The following STT3A variants were observed in gnomAD, a reference collection of about 807,000 sequenced individuals.
The protein encoded by STT3A is dolichyl-diphosphooligosaccharide--protein glycosyltransferase subunit STT3A.
A neutral mutation model predicts 89.2 loss-of-function variants in STT3A; 34 were observed. That is an observed-to-expected ratio of 0.38 (90% CI 0.29 to 0.51). STT3A has a LOEUF of 0.51. Among genes scored for constraint, STT3A ranks in the 20% least tolerant of loss-of-function variants. The pLI, the probability that STT3A is intolerant of heterozygous loss-of-function variation, is 0.89. For missense variants in STT3A, 555 were observed against 889.5 expected (o/e 0.62, Z 4.78); for synonymous variants, 282 against 310.3 (o/e 0.91, Z 0.96).
Position 125,613,523 on chromosome 11 carries a change from A to T in STT3A, c.1554+346A>T, listed in dbSNP as rs1222062385. Among the ~76,000 whole-genome samples the T allele has an allele frequency of 6.6e-6, 1 of 152,190 alleles. No homozygotes were observed. Among genetic ancestry groups the T allele is most frequent in the African/African-American group, 2.4e-5 (1 of 41,448 alleles). ...AAATTGAATCAAGAAGAAAGATATA[A>T]ATCTTGTGTAAAGTGATCACCTTAT... is the stretch of plus-strand genomic sequence containing the variant. On this transcript the variant is annotated intron_variant, in intron 13 of 17. Coordinates refer to ENST00000392708, the MANE Select transcript of STT3A (RefSeq NM_152713.5). The surrounding 1 kb of genome is among the most constrained non-coding windows in gnomAD (Gnocchi z 4.2).
In STT3A at chr11:125,621,538, A is replaced by G. The variant is rs1423188475; in HGVS notation, c.*728A>G. ...CTTGATGGTCAGTAGGTGTTTTTGA[A>G]TCAGCTTAAATATAATCATACATAT... On this transcript the variant is annotated 3_prime_UTR_variant, in exon 18 of 18. Transcript: ENST00000392708. 6.6e-6 allele frequency: 1 copy of G among 152,190 alleles called. No individual in the cohort carries two copies. Among genetic ancestry groups the G allele is most frequent in the Non-Finnish European group, 1.5e-5 (1 of 68,026 alleles). 9.4% of individuals were successfully genotyped at this position (152,190 alleles called of 1,614,324 possible).
At chr11:125,611,664 C>T in intron 11 of STT3A, 145 bp downstream of exon 11, 1 of 721,976 alleles carries the variant, frequency 1.4e-6, no homozygotes, top group South Asian at 2.0e-5. Context: ...GTTGTTGATC[C>T]TTTCCAGGAA....
intron 3 of STT3A, among the ~76,000 whole-genome samples, 172 bp from the exon 4 acceptor site, chr11:125,602,131 G>T (rs1939702279): frequency 6.6e-6 from 1 of 152,126 alleles, no homozygotes; most frequent in South Asian, 2.1e-4. Flanking sequence ...CTTTAGTTGA[G>T]ACAAGCATGG....
chr11:125,614,108 T>A lies in STT3A; in HGVS notation c.1576T>A (p.Trp526Arg). ...TCAGGATGCGAAGGTCATGTCCTGG[T>A]GGGATTATGGCTATCAGATTACAGC... is the stretch of plus-strand genomic sequence containing the variant. ...TPEDAKVMSWWDYGYQITAMA... is the reference protein window; with the variant it reads ...TPEDAKVMSWRDYGYQITAMA... Residue 526 changes from tryptophan to arginine, a missense_variant, in exon 14 of 18, where the codon TGG (tryptophan) becomes AGG (arginine). Coordinates refer to ENST00000392708, the MANE Select transcript of STT3A (RefSeq NM_152713.5). The surrounding 1 kb of genome is among the most constrained non-coding windows in gnomAD (Gnocchi z 4.9). The A allele has an allele frequency of 1.2e-6, 2 of 1,614,128 alleles. No individual in the cohort carries two copies. Among genetic ancestry groups the A allele is most frequent in the Non-Finnish European group, 1.7e-6 (2 of 1,179,998 alleles).
chr11:125,608,346 C>T, intron 9 of STT3A, 57 bp downstream of exon 9: 2 of 1,518,398 alleles, frequency 1.3e-6, no homozygotes, highest in East Asian at 2.3e-5. Flanking sequence ...TGGAGTTTCG[C>T]TCTTGTTGCC....
intron 6 of STT3A, among the ~76,000 whole-genome samples, chr11:125,605,223 A>C (rs1939797554): frequency 6.6e-6 from 1 of 151,982 alleles, no homozygotes; most frequent in African/African-American, 2.4e-5. Context: ...GGACTTCATT[A>C]GGCAGATATC....
rs552078986 is a variant in STT3A at position 125,622,942 on chromosome 11, G to A, written c.*2132G>A. 1 of 151,940 alleles carries A rather than the reference G, an allele frequency of 6.6e-6. No homozygotes were observed. Among genetic ancestry groups the A allele is most frequent in the Admixed American group, 6.6e-5 (1 of 15,258 alleles). The allele number at this position is 151,940 out of a possible 1,614,324, so 9.4% of individuals were successfully genotyped here. On this transcript the variant is annotated 3_prime_UTR_variant, in exon 18 of 18. Coordinates refer to ENST00000392708, the MANE Select transcript of STT3A (RefSeq NM_152713.5). ...AAATACAAAAATTAGCTGGGTGTGGGGTACACACCCTGTAATCTCAGCTAC... is the reference window on the plus strand; with the variant it reads ...AAATACAAAAATTAGCTGGGTGTGGAGTACACACCCTGTAATCTCAGCTAC...
At chr11:125,603,014 G>C (rs998028215) in intron 5 of STT3A, 66 bp downstream of exon 5, 1 of 1,584,934 alleles carries the variant, frequency 6.3e-7, no homozygotes, top group East Asian at 2.3e-5. Context: ...ATCGATGCTG[G>C]AGGGTGGGGG....
At chr11:125,618,243 T>A (rs1400255272) in intron 15 of STT3A, 130 bp from the exon 16 acceptor site, 1 of 855,422 alleles carries the variant, frequency 1.2e-6, no homozygotes, top group Non-Finnish European at 1.7e-6. Flanking sequence ...CCTCACTATT[T>A]TTACAAATTA....
chr11:125,602,477 A>G (rs1006304352), intron 4 of STT3A, 53 bp downstream of exon 4: 308 of 1,483,116 alleles, frequency 2.1e-4, no homozygotes, highest in Non-Finnish European at 2.7e-4. Flanking sequence ...AAATATTTGT[A>G]TGCTAGAGAA....
At chr11:125,602,184 A>G in intron 3 of STT3A, 119 bp from the exon 4 acceptor site, 1 of 1,192,792 alleles carries the variant, frequency 8.4e-7, no homozygotes. Flanking sequence ...AATGATTTTC[A>G]TGGCATAATA....
At chr11:125,592,765 C>G (rs1419359096), upstream of STT3A, 1 of 278,972 alleles carries the variant, frequency 3.6e-6, no homozygotes, top group Non-Finnish European at 7.3e-6. Flanking sequence ...CAGACAGTTC[C>G]GAGACCCTAT....
chr11:125,608,667 A>G (rs1000174481), intron 9 of STT3A, among the ~76,000 whole-genome samples: 1 of 152,240 alleles, frequency 6.6e-6, no homozygotes. Context: ...GGGTACAGAC[A>G]TAGAATAAAC....
At chr11:125,608,398 T>C (rs1412952400) in intron 9 of STT3A, 109 bp downstream of exon 9, 4 of 1,130,412 alleles carry the variant, frequency 3.5e-6, no homozygotes, top group African/African-American at 1.6e-5. Flanking sequence ...CACTGCAACC[T>C]CCACCTCCCA....
chr11:125,609,012 A>T (rs1333520153), intron 9 of STT3A, among the ~76,000 whole-genome samples: 1 of 152,318 alleles, frequency 6.6e-6, no homozygotes, highest in East Asian at 1.9e-4. Context: ...AGTTGGTTGG[A>T]AAGCCAAATT....
chr11:125,602,618 A>G (rs1057195846), intron 4 of STT3A, 185 bp from the exon 5 acceptor site: 12 of 1,055,538 alleles, frequency 1.1e-5, no homozygotes, highest in South Asian at 6.9e-5. Flanking sequence ...TGGTTTTTAT[A>G]CATTCTAGAC....
intron 9 of STT3A, 134 bp downstream of exon 9, chr11:125,608,423 T>C: frequency 1.1e-6 from 1 of 919,670 alleles, no homozygotes; most frequent in Non-Finnish European, 1.5e-6. Flanking sequence ...CAAGCGATTC[T>C]CCTGCCTCAG....
At position 125,608,214 on chromosome 11, in the gene STT3A, G is replaced by C. The variant is rs1421806498; in HGVS notation, c.886G>C (p.Glu296Gln). The change falls in exon 9 of 18, where the codon GAA (glutamate) becomes CAA (glutamine). Residue 296 changes from glutamate to glutamine, a missense_variant. Physicochemically the swap from Glu to Gln is conservative, Grantham distance 29 (BLOSUM62 2). This residue lies in a region of STT3A where 149 missense variants were observed against 206.2 expected (regional missense o/e 0.72). Transcript: ENST00000392708. ...LRSKLNPQQF[E>Q]VLFRSVISLV... ...CAGCAAGTTGAATCCACAACAATTT[G>C]AAGTTCTTTTCCGGAGCGTCATCTC... 1.2e-6 allele frequency: 2 copies of C among 1,614,188 alleles called. No individual in the cohort carries two copies. The highest frequency in any genetic ancestry group is 1.7e-6 in the Non-Finnish European group (2 of 1,180,028).
rs144743356 is a variant in STT3A at position 125,597,139 on chromosome 11, C to T, written c.149+20C>T. ...TGATCCGTGAGTACCTTTGCTTGAT[C>T]TGGTATTATTTCCTTTGGGAGGCAT... On this transcript the variant is annotated intron_variant, in intron 3 of 17. Coordinates refer to ENST00000392708, the MANE Select transcript of STT3A (RefSeq NM_152713.5). 868 of 1,613,482 alleles carry T rather than the reference C, an allele frequency of 5.4e-4. 5 individuals carry two copies. In the African/African-American group the frequency reaches 0.01, roughly 19 times the overall value.
Sources: gnomAD v4.1 joint callset for allele counts (sites outside exome capture counted in the v4.1 genomes callset) on GRCh38, gnomAD v4.1.1 for gene constraint, gnomAD v4.1.1 regional missense constraint, Gnocchi (gnomAD v3.1) non-coding constraint, MANE v1.5 for transcripts, NCBI Gene and HGNC (gene_info 2026-07-23, HGNC 2026-07-21) for gene names.